The following UPF2 variants were observed in gnomAD, a reference collection of about 807,000 sequenced individuals.
UPF2 encodes UPF2 regulator of nonsense mediated mRNA decay, also known as regulator of nonsense transcripts 2.
A neutral mutation model predicts 141.4 loss-of-function variants in UPF2; 17 were observed. That is an observed-to-expected ratio of 0.12 (90% CI 0.08 to 0.18). The LOEUF is 0.18. UPF2 is among the 10% of genes least tolerant of loss of function. The pLI is 1.00. For synonymous variants in UPF2, 540 were observed against 498.0 expected (o/e 1.08, Z -1.12); for missense variants, 1,152 against 1,515.9 (o/e 0.76, Z 3.99).
chr10:11,973,070 G>A (rs527317625), intron 9 of UPF2, among the ~76,000 whole-genome samples: 8 of 152,104 alleles, frequency 5.3e-5, no homozygotes, highest in East Asian at 1.9e-4. Context: ...TTTAATGATC[G>A]CCATTCTAAC....
intron 21 of UPF2, among the ~76,000 whole-genome samples, chr10:11,923,605 G>A (rs1032608801): frequency 1.3e-5 from 2 of 151,366 alleles, no homozygotes; most frequent in East Asian, 3.9e-4. Flanking sequence ...GCTTGAACCC[G>A]GGAGGCGGAG....
In UPF2 at chr10:11,998,802, C is replaced by T. The variant is rs1485456460; in HGVS notation, c.1759-1045G>A. On this transcript the variant is annotated intron_variant, in intron 7 of 21. Coordinates refer to ENST00000357604, the MANE Select transcript of UPF2 (RefSeq NM_015542.4). The surrounding 1 kb of genome is among the most constrained non-coding windows in gnomAD (Gnocchi z 4.5). ...CCGGGAGGCGGAGCTTGCAGTGAGCCGAGAACATGCCACTGCACTCCAGCC... is the reference window on the plus strand; with the variant it reads ...CCGGGAGGCGGAGCTTGCAGTGAGCTGAGAACATGCCACTGCACTCCAGCC... Among the ~76,000 whole-genome samples, 5 of 151,758 alleles carry T rather than the reference C, an allele frequency of 3.3e-5. No homozygotes were observed. Among genetic ancestry groups the T allele is most frequent in the African/African-American group, 9.7e-5 (4 of 41,292 alleles).
At chr10:11,952,678 G>A (rs1833092986) in intron 14 of UPF2, among the ~76,000 whole-genome samples, 2 of 151,842 alleles carry the variant, frequency 1.3e-5, no homozygotes, top group Non-Finnish European at 2.9e-5. Flanking sequence ...GTTTCACTGT[G>A]TTAGCCAGGA....
chr10:12,004,905 TTAAA>T (rs1834010805), intron 4 of UPF2, among the ~76,000 whole-genome samples, 178 bp from the exon 5 acceptor site: 1 of 152,190 alleles, frequency 6.6e-6, no homozygotes, highest in Non-Finnish European at 1.5e-5. Flanking sequence ...AAACTGTGTT[TTAAA>T]TAAAGCCCTA....
chr10:11,985,370 G>A (rs538630268), intron 8 of UPF2, among the ~76,000 whole-genome samples: 20 of 152,226 alleles, frequency 1.3e-4, no homozygotes, highest in African/African-American at 4.1e-4. Context: ...GGGTGCAGTG[G>A]CTCACGCCTG....
rs780422016 is a variant in UPF2, at chr10:11,948,354, T to C, written c.3174+15A>G. 3.3e-5 allele frequency: 52 copies of C among 1,562,154 alleles called. No homozygotes were observed. The highest frequency in any genetic ancestry group is 7.8e-5 in the Admixed American group (4 of 51,498). On this transcript the variant is annotated intron_variant, in intron 16 of 21. Coordinates refer to ENST00000357604, the MANE Select transcript of UPF2 (RefSeq NM_015542.4). ...TACAAATGTACTCTATGTTGCTACA[T>C]ATAAAAGTCATCACCTCTTCTTCTG...
At chr10:11,975,182 G>A (rs1833486486) in intron 9 of UPF2, among the ~76,000 whole-genome samples, 1 of 152,126 alleles carries the variant, frequency 6.6e-6, no homozygotes, top group Admixed American at 6.5e-5. Context: ...GATTGCGTGA[G>A]TCCAGAAGTT....
At chr10:11,995,628 T>C (rs1833853103) in intron 8 of UPF2, among the ~76,000 whole-genome samples, 1 of 151,802 alleles carries the variant, frequency 6.6e-6, no homozygotes, top group African/African-American at 2.4e-5. Flanking sequence ...ACTAAAAATA[T>C]AAAAATTAGC....
intron 16 of UPF2, among the ~76,000 whole-genome samples, chr10:11,945,765 A>G (rs149344680): frequency 5.3e-5 from 8 of 152,360 alleles, no homozygotes; most frequent in Non-Finnish European, 1.0e-4. Context: ...GCCCTCCTCA[A>G]TATCATATTT....
Position 12,035,328 on chromosome 10 carries a change from G to C in UPF2, c.96C>G (p.Ser32Arg), listed in dbSNP as rs1389399446. The change falls in exon 2 of 22, where the codon AGC (serine) becomes AGG (arginine). Residue 32 changes from serine to arginine, a missense_variant. Physicochemically the swap from Ser to Arg is moderately radical, Grantham distance 110. Transcript: ENST00000357604. ...TATCGTCTTTTGGCCTCTCCTTGCT[G>C]CTCACTGTCCGCCTTTCACTGCAGT... ...EKDCSERRTV[S>R]SKERPKDDIK... The C allele has an allele frequency of 1.9e-6, 3 of 1,613,470 alleles. No homozygotes were observed. The highest frequency in any genetic ancestry group is 1.7e-6 in the Non-Finnish European group (2 of 1,179,938).
chr10:12,007,761 G>A (rs974098823), intron 4 of UPF2, among the ~76,000 whole-genome samples: 1 of 151,420 alleles, frequency 6.6e-6, no homozygotes, highest in African/African-American at 2.4e-5. Flanking sequence ...AACCCGGGGA[G>A]CAGAGCTTGC....
At chr10:12,039,081 A>G (rs575169472) in intron 1 of UPF2, among the ~76,000 whole-genome samples, 2 of 152,350 alleles carry the variant, frequency 1.3e-5, no homozygotes, top group South Asian at 2.1e-4. Flanking sequence ...CAAAAAGACT[A>G]TAATACTAAT....
At chr10:12,039,509 A>C (rs2131322535) in intron 1 of UPF2, among the ~76,000 whole-genome samples, 1 of 152,336 alleles carries the variant, frequency 6.6e-6, no homozygotes, top group South Asian at 2.1e-4. Context: ...AAGTGAAAAA[A>C]GTTTATATAG....
chr10:11,982,867 C>A (rs965205558), intron 8 of UPF2, among the ~76,000 whole-genome samples: 6 of 152,122 alleles, frequency 3.9e-5, no homozygotes, highest in Admixed American at 1.3e-4. Context: ...CGATCCACCC[C>A]CCTCAGCCTC....
At chr10:12,031,856 AATT>A (rs1389230623) in intron 2 of UPF2, among the ~76,000 whole-genome samples, 1 of 152,206 alleles carries the variant, frequency 6.6e-6, no homozygotes, top group East Asian at 1.9e-4. Flanking sequence ...GTTATAAGAT[AATT>A]ATTTGATTTT....
intron 4 of UPF2, among the ~76,000 whole-genome samples, chr10:12,011,855 G>A (rs1834133102): frequency 6.6e-6 from 1 of 151,776 alleles, no homozygotes; most frequent in African/African-American, 2.4e-5. Context: ...TGAGGCAGGA[G>A]AATTGCTTGA....
intron 4 of UPF2, among the ~76,000 whole-genome samples, chr10:12,010,946 GA>G (rs1014991723): frequency 2.7e-5 from 4 of 150,134 alleles, no homozygotes; most frequent in Admixed American, 6.6e-5. Context: ...AGTACTGAAA[GA>G]AAAAAAAACT....
At chr10:12,011,410 C>A (rs1454490533) in intron 4 of UPF2, among the ~76,000 whole-genome samples, 3 of 151,922 alleles carry the variant, frequency 2.0e-5, no homozygotes, top group Admixed American at 6.6e-5. Context: ...CCAGCCTGAC[C>A]AACATGGTGA....
At position 11,956,222 on chromosome 10, in the gene UPF2, A is replaced by G; in HGVS notation, c.2574+98T>C. The G allele has an allele frequency of 2.7e-6, 3 of 1,110,128 alleles. No individual in the cohort carries two copies. In the South Asian group the frequency reaches 4.2e-5, roughly 16 times the overall value. 68.8% of individuals were successfully genotyped at this position (1,110,128 alleles called of 1,614,324 possible). On this transcript the variant is annotated intron_variant, in intron 13 of 21. Transcript: ENST00000357604. This position sits in a 1 kb window ranked among gnomAD's most constrained non-coding sequence, Gnocchi z 4.2. The stretch of plus-strand genomic sequence containing the variant: ...ATTATCAGCTTTTTCTAACTAATAA[A>G]TTTACAGATTCCTATAACTTGAGTC...
Sources: gnomAD v4.1 joint callset for allele counts (sites outside exome capture counted in the v4.1 genomes callset) on GRCh38, gnomAD v4.1.1 for gene constraint, Gnocchi (gnomAD v3.1) non-coding constraint, MANE v1.5 for transcripts, NCBI Gene and HGNC (gene_info 2026-07-23, HGNC 2026-07-21) for gene names.